The following CLUAP1 variants were observed in gnomAD, a reference collection of about 807,000 sequenced individuals.
CLUAP1 encodes clusterin-associated protein 1.
CLUAP1 carries 50 observed loss-of-function variants against 55.0 expected under a neutral mutation model. The observed-to-expected ratio is 0.91, with a 90% CI of 0.72 to 1.15. CLUAP1 has a LOEUF of 1.15. Among genes scored for constraint, CLUAP1 ranks in the 50% most tolerant of loss-of-function variants. The probability of loss-of-function intolerance (pLI) is 0.00; values close to 1 mark genes in which losing one functional copy is unlikely to be tolerated. For synonymous variants in CLUAP1, 195 were observed against 175.4 expected, an observed-to-expected ratio of 1.11 and a Z score of -0.88; for missense variants, 530 against 507.6, an observed-to-expected ratio of 1.04 and a Z score of -0.42.
chr16:3,528,129 C>T (rs117553883), intron 9 of CLUAP1, among the ~76,000 whole-genome samples: 2,205 of 152,342 alleles, frequency 0.014, 20 homozygotes, highest in Non-Finnish European at 0.023. Flanking sequence ...ACTTCAGTGT[C>T]AAGTCACTGT....
chr16:3,496,640 C>T, upstream of CLUAP1: 1 of 533,302 alleles, frequency 1.9e-6, no homozygotes. Flanking sequence ...TCGCAAGGGC[C>T]GACAGGTGTA....
chr16:3,506,420 G>C lies in CLUAP1; in HGVS notation c.219+5G>C. 2 of 1,605,986 alleles carry C rather than the reference G, an allele frequency of 1.2e-6. No individual in the cohort carries two copies. Among genetic ancestry groups the C allele is most frequent in the South Asian group, 2.2e-5 (2 of 90,934 alleles). ...AAGGCAATTGCCCAGTTCATGGTTA[G>C]TGGACACTTATTTTGTGGAGTTGTA... On this transcript the variant is annotated splice_donor_5th_base_variant and intron_variant, in intron 3 of 11. Coordinates refer to ENST00000576634, the MANE Select transcript of CLUAP1 (RefSeq NM_015041.3).
intron 5 of CLUAP1, among the ~76,000 whole-genome samples, chr16:3,513,697 T>G (rs2037678410): frequency 6.6e-6 from 1 of 152,054 alleles, no homozygotes; most frequent in Non-Finnish European, 1.5e-5. Context: ...TGATTCGCCT[T>G]CCTCGGCCTC....
chr16:3,534,603 G>A (rs1283769935), intron 11 of CLUAP1: 1 of 152,662 alleles, frequency 6.6e-6, no homozygotes. Context: ...TTGGCCGAAG[G>A]TGTGGCAGCA....
chr16:3,508,479 C>A lies in CLUAP1; in HGVS notation c.399+11C>A. 3.2e-6 allele frequency: 5 copies of A among 1,558,436 alleles called. No individual in the cohort carries two copies. The highest frequency in any genetic ancestry group is 3.4e-6 in the Non-Finnish European group (4 of 1,161,672). ...GATCTTGGCTCAAAGGTAAGGACAA[C>A]AAAAGCCTTGTAGTGGGCGATGGAG... On this transcript the variant is annotated intron_variant, in intron 4 of 11. Coordinates refer to ENST00000576634, the MANE Select transcript of CLUAP1 (RefSeq NM_015041.3).
chr16:3,510,460 C>T (rs938744606), intron 4 of CLUAP1, among the ~76,000 whole-genome samples: 3 of 152,158 alleles, frequency 2.0e-5, no homozygotes, highest in Admixed American at 6.5e-5. Context: ...TAACCAGGAG[C>T]GACACTCGTC....
the CLUAP1 span, chr16:3,495,496 T>C: frequency 6.4e-7 from 1 of 1,568,216 alleles, no homozygotes. Flanking sequence ...GCCTAGGGGG[T>C]ACATTGGCAG....
chr16:3,501,570 G>T (rs573870287), intron 1 of CLUAP1, among the ~76,000 whole-genome samples: 4 of 152,198 alleles, frequency 2.6e-5, no homozygotes, highest in African/African-American at 9.6e-5. Context: ...ATCACCTGAG[G>T]TCGGGAGTTC....
chr16:3,509,761 G>A (rs1441180180), intron 4 of CLUAP1: 1 of 152,354 alleles, frequency 6.6e-6, no homozygotes, highest in East Asian at 1.9e-4. Flanking sequence ...CCCCTGTGAG[G>A]CCTGCTAGGT....
intron 11 of CLUAP1, chr16:3,535,367 A>G (rs1444420541): frequency 6.6e-6 from 1 of 152,272 alleles, no homozygotes; most frequent in African/African-American, 2.4e-5. Context: ...GGAAGGTGGG[A>G]TTACCTTTGG....
At chr16:3,510,854 C>T (rs982788387) in intron 4 of CLUAP1, among the ~76,000 whole-genome samples, 5 of 152,310 alleles carry the variant, frequency 3.3e-5, no homozygotes, top group East Asian at 1.9e-4. Context: ...TTTGCCACGC[C>T]GATTGGCTGT....
chr16:3,526,302 C>CT, intron 8 of CLUAP1, 110 bp from the exon 9 acceptor site: 2 of 551,832 alleles, frequency 3.6e-6, no homozygotes, highest in South Asian at 9.2e-5. Flanking sequence ...GAGTTTAGCT[C>CT]TTTTTTTGTT....
At chr16:3,504,427 A>G (rs2037464170) in intron 1 of CLUAP1, among the ~76,000 whole-genome samples, 1 of 152,218 alleles carries the variant, frequency 6.6e-6, no homozygotes, top group Non-Finnish European at 1.5e-5. Flanking sequence ...TTTTAGCAGT[A>G]AAAAGAAATG....
chr16:3,527,918 T>A (rs905855304), intron 9 of CLUAP1, among the ~76,000 whole-genome samples: 1 of 152,142 alleles, frequency 6.6e-6, no homozygotes, highest in African/African-American at 2.4e-5. Flanking sequence ...CCCTGCCCCT[T>A]TGTCTTGTAT....
the CLUAP1 span, chr16:3,495,581 G>A: frequency 4.9e-6 from 7 of 1,436,098 alleles, no homozygotes; most frequent in African/African-American, 8.5e-5. Context: ...GTTTGGGAGA[G>A]GACAGTGCCC....
intron 2 of CLUAP1, 46 bp downstream of exon 2, chr16:3,504,877 T>C (rs375919693): frequency 5.4e-6 from 6 of 1,108,326 alleles, no homozygotes; most frequent in East Asian, 2.4e-5. Context: ...TACTGGGTTT[T>C]ATTTATTAGT....
intron 8 of CLUAP1, among the ~76,000 whole-genome samples, chr16:3,524,596 CAAAAAA>C (rs755040158): frequency 6.0e-3 from 205 of 34,274 alleles, no homozygotes; most frequent in African/African-American, 0.016. Context: ...GACACCATCT[CAAAAAA>C]AAAAAAAAAA....
chr16:3,505,443 T>G (rs2037484909), intron 2 of CLUAP1, among the ~76,000 whole-genome samples: 1 of 147,862 alleles, frequency 6.8e-6, no homozygotes, highest in Non-Finnish European at 1.5e-5. Flanking sequence ...GGCAGGAGAA[T>G]GGAGTGAACC....
intron 11 of CLUAP1, chr16:3,533,226 T>A: frequency 8.3e-7 from 1 of 1,205,984 alleles, no homozygotes; most frequent in South Asian, 1.3e-5. Context: ...CAGGGGCCTC[T>A]CCCTAGGAGT....
Sources: gnomAD v4.1 joint callset for allele counts (sites outside exome capture counted in the v4.1 genomes callset) on GRCh38, gnomAD v4.1.1 for gene constraint, MANE v1.5 for transcripts, NCBI Gene and HGNC (gene_info 2026-07-23, HGNC 2026-07-21) for gene names.